The following FOXP2 variants were observed in gnomAD, a reference collection of about 807,000 sequenced individuals.
FOXP2 encodes forkhead box protein P2.
A neutral mutation model predicts 115.8 loss-of-function variants in FOXP2; 12 were observed. That is an observed-to-expected ratio of 0.10 (90% CI 0.07 to 0.17). FOXP2 has a LOEUF of 0.17. Ranked by LOEUF, FOXP2 falls within the 10% of genes least tolerant of loss-of-function variation. FOXP2 has a pLI of 1.00. For synonymous variants in FOXP2, 328 were observed against 297.7 expected (o/e 1.10, Z -1.05); for missense variants, 629 against 843.5 (o/e 0.75, Z 3.15).
intron 2 of FOXP2, among the ~76,000 whole-genome samples, chr7:114,390,522 G>GTATTTATTTATTTATTTATTTATTTATT (rs6150298): frequency 4.0e-5 from 6 of 148,264 alleles, no homozygotes; most frequent in African/African-American, 1.5e-4. Context: ...TTTTATTTAT[G>GTATTTATTTATTTATTTATTTATTTATT]TATTTATTTA....
chr7:114,637,723 T>G (rs1805301386), intron 6 of FOXP2, among the ~76,000 whole-genome samples: 1 of 151,940 alleles, frequency 6.6e-6, no homozygotes, highest in Non-Finnish European at 1.5e-5. Context: ...AAGGCAAGAA[T>G]AGGAAAAGCC....
At chr7:114,671,724 T>G (rs1391828272) in intron 16 of FOXP2, among the ~76,000 whole-genome samples, 2 of 152,180 alleles carry the variant, frequency 1.3e-5, no homozygotes, top group Non-Finnish European at 2.9e-5. Flanking sequence ...TATTTTAATT[T>G]CAGCTTTCAA....
At chr7:114,541,140 G>T (rs955476925) in intron 3 of FOXP2, among the ~76,000 whole-genome samples, 1 of 152,038 alleles carries the variant, frequency 6.6e-6, no homozygotes, top group South Asian at 2.1e-4. Flanking sequence ...TGTTGAGTTT[G>T]AGGAGATGGC....
chr7:114,107,681 A>C (rs1392331827), intron 1 of FOXP2, among the ~76,000 whole-genome samples: 1 of 151,950 alleles, frequency 6.6e-6, no homozygotes, highest in Admixed American at 6.6e-5. Flanking sequence ...TATGTTAGTG[A>C]TCCTATAATA....
intron 3 of FOXP2, among the ~76,000 whole-genome samples, chr7:114,624,843 T>C (rs1804457992): frequency 6.6e-6 from 1 of 151,544 alleles, no homozygotes; most frequent in Non-Finnish European, 1.5e-5. Flanking sequence ...TAACTAAATA[T>C]AATTATATTT....
chr7:114,617,244 G>A (rs1367757614), intron 3 of FOXP2, among the ~76,000 whole-genome samples: 2 of 152,040 alleles, frequency 1.3e-5, no homozygotes, highest in Admixed American at 6.5e-5. Context: ...TGAGACTGTC[G>A]TCTTTTCAGA....
intron 2 of FOXP2, among the ~76,000 whole-genome samples, chr7:114,402,095 C>G (rs1792900558): frequency 6.6e-6 from 1 of 151,986 alleles, no homozygotes; most frequent in African/African-American, 2.4e-5. Flanking sequence ...GCACTCCAGC[C>G]TATGCAACAG....
At chr7:114,643,715 C>G (rs1019424993) in intron 7 of FOXP2, among the ~76,000 whole-genome samples, 5 of 152,058 alleles carry the variant, frequency 3.3e-5, no homozygotes, top group African/African-American at 1.2e-4. Flanking sequence ...AGTTCATAAA[C>G]TAAAATATTG....
chr7:114,686,492 T>C (rs1362338064), intron 16 of FOXP2, among the ~76,000 whole-genome samples: 1 of 152,218 alleles, frequency 6.6e-6, no homozygotes, highest in Non-Finnish European at 1.5e-5. Context: ...GTCTTTATGC[T>C]TTTAATGTTC....
chr7:114,209,493 G>A (rs1794290116), intron 1 of FOXP2, among the ~76,000 whole-genome samples: 1 of 152,168 alleles, frequency 6.6e-6, no homozygotes, highest in African/African-American at 2.4e-5. Flanking sequence ...CTGCTAGCTT[G>A]TAGGGTTTCT....
At chr7:114,338,464 A>T (rs1791110192) in intron 2 of FOXP2, among the ~76,000 whole-genome samples, 2 of 151,032 alleles carry the variant, frequency 1.3e-5, no homozygotes, top group South Asian at 4.1e-4. Context: ...AAATATTAAA[A>T]TTATCATTTA....
chr7:114,564,052 T>C, intron 3 of FOXP2, among the ~76,000 whole-genome samples: 1 of 152,082 alleles, frequency 6.6e-6, no homozygotes, highest in East Asian at 1.9e-4. Context: ...CCTCATGCTT[T>C]CTACTTGTCA....
chr7:114,315,149 A>G (rs535192844), intron 2 of FOXP2, among the ~76,000 whole-genome samples: 1 of 152,124 alleles, frequency 6.6e-6, no homozygotes, highest in Non-Finnish European at 1.5e-5. Context: ...TGTGAGGGTT[A>G]ATTGTTTACA....
At chr7:114,668,542 G>C (rs1807302745) in intron 16 of FOXP2, 1 of 151,948 alleles carries the variant, frequency 6.6e-6, no homozygotes, top group South Asian at 2.1e-4. Context: ...TTTTCCAAGA[G>C]GGTTTCCCAA....
chr7:114,126,947 T>C (rs1459519307), intron 1 of FOXP2, among the ~76,000 whole-genome samples: 1 of 152,158 alleles, frequency 6.6e-6, no homozygotes, highest in African/African-American at 2.4e-5. Context: ...TATCTCATAG[T>C]TTTTGGGGTT....
chr7:114,573,255 A>T (rs1013879171), intron 3 of FOXP2, among the ~76,000 whole-genome samples: 2 of 151,834 alleles, frequency 1.3e-5, no homozygotes, highest in Non-Finnish European at 2.9e-5. Flanking sequence ...TTTATTGATT[A>T]CCTTATATAT....
At chr7:114,591,204 G>A (rs1225819867) in intron 3 of FOXP2, among the ~76,000 whole-genome samples, 1 of 152,060 alleles carries the variant, frequency 6.6e-6, no homozygotes, top group Admixed American at 6.6e-5. Context: ...CGATTACCTT[G>A]ACCATTGTAA....
chr7:114,621,659 A>G (rs191719421), intron 3 of FOXP2, among the ~76,000 whole-genome samples: 1 of 152,048 alleles, frequency 6.6e-6, no homozygotes, highest in African/African-American at 2.4e-5. Context: ...TTCGAAGTTG[A>G]TGTTTTCTCA....
At chr7:114,541,391 T>G (rs894130385) in intron 3 of FOXP2, among the ~76,000 whole-genome samples, 1 of 152,022 alleles carries the variant, frequency 6.6e-6, no homozygotes, top group Admixed American at 6.6e-5. Context: ...AAATTAGCAT[T>G]GGATTTATTA....
Sources: allele counts gnomAD v4.1 joint callset (sites outside exome capture counted in the v4.1 genomes callset), GRCh38; gene constraint gnomAD v4.1.1; transcripts MANE v1.5; gene names NCBI Gene and HGNC (gene_info 2026-07-23, HGNC 2026-07-21).